The following RIMS1 variants were observed in gnomAD, a reference collection of about 807,000 sequenced individuals.
The protein encoded by RIMS1 is regulating synaptic membrane exocytosis protein 1.
In RIMS1, 83 loss-of-function variants were observed where a neutral mutation model predicts 214.1. That is an observed-to-expected ratio of 0.39 (90% CI 0.32 to 0.47). RIMS1 has a LOEUF of 0.47. Ranked by LOEUF, RIMS1 falls within the 20% of genes least tolerant of loss-of-function variation. RIMS1 has a pLI of 0.99. For synonymous variants in RIMS1, 793 were observed against 786.8 expected, an observed-to-expected ratio of 1.01 and a Z score of -0.13; for missense variants, 2,050 against 2,161.8, an observed-to-expected ratio of 0.95 and a Z score of 1.03.
chr6:72,291,954 C>T lies in RIMS1; in HGVS notation c.3758C>T (p.Pro1253Leu), dbSNP rs367601102. The change falls in exon 26 of 34, where the codon CCA becomes CTA. Residue 1253 changes from proline to leucine, a missense_variant. This residue lies in a region of RIMS1 where 889 missense variants were observed against 885.5 expected (regional missense o/e 1.00). Coordinates refer to ENST00000521978, the MANE Select transcript of RIMS1 (RefSeq NM_014989.7). ...LLTRMHRQRS[P>L]TQSPPADTSF... ...TGCAGAATGCACCGACAGAGAAGTC[C>T]AACACAATCTCCTCCAGCAGACACA... is the stretch of plus-strand genomic sequence containing the variant. 80 of 1,560,860 alleles carry T rather than the reference C, an allele frequency of 5.1e-5. No homozygotes were observed. The highest frequency in any genetic ancestry group is 3.8e-5 in the Admixed American group (2 of 52,092).
At chr6:72,126,864 G>C (rs2039623152) in intron 4 of RIMS1, among the ~76,000 whole-genome samples, 1 of 151,330 alleles carries the variant, frequency 6.6e-6, no homozygotes, top group South Asian at 2.1e-4. Flanking sequence ...ATGGAAAACA[G>C]TTTGGAGATT....
intron 17 of RIMS1, 113 bp from the exon 18 acceptor site, chr6:72,258,873 A>G: frequency 2.0e-6 from 2 of 1,013,842 alleles, no homozygotes; most frequent in Middle Eastern, 2.2e-4. Context: ...TTATGATGCA[A>G]ATACTTTTCA....
intron 2 of RIMS1, among the ~76,000 whole-genome samples, chr6:72,049,804 A>C (rs1421762639): frequency 1.3e-5 from 2 of 152,136 alleles, no homozygotes; most frequent in African/African-American, 2.4e-5. Context: ...GATCCTTGCT[A>C]TCTATTTTTA....
At chr6:72,354,723 C>T (rs1564443243) in intron 29 of RIMS1, among the ~76,000 whole-genome samples, 2 of 152,030 alleles carry the variant, frequency 1.3e-5, no homozygotes, top group Non-Finnish European at 2.9e-5. Flanking sequence ...TTTTATTCAC[C>T]TTGTATTTGT....
At chr6:72,310,425 C>G (rs2095451323) in intron 27 of RIMS1, among the ~76,000 whole-genome samples, 1 of 151,554 alleles carries the variant, frequency 6.6e-6, no homozygotes, top group African/African-American at 2.4e-5. Flanking sequence ...TGGTGGTATA[C>G]AGAGTGGCAT....
intron 2 of RIMS1, among the ~76,000 whole-genome samples, chr6:72,083,708 A>G (rs1833968672): frequency 6.6e-6 from 1 of 152,206 alleles, no homozygotes; most frequent in African/African-American, 2.4e-5. Context: ...CTTTTACCAT[A>G]GGCTACACAC....
At chr6:72,009,452 GA>G (rs930961151) in intron 2 of RIMS1, among the ~76,000 whole-genome samples, 150 of 152,272 alleles carry the variant, frequency 9.9e-4, no homozygotes, top group African/African-American at 3.4e-3. Context: ...AAAGCTAGCA[GA>G]AGGCAAGAAA....
At chr6:72,337,676 G>T (rs541914338) in intron 29 of RIMS1, among the ~76,000 whole-genome samples, 215 of 150,658 alleles carry the variant, frequency 1.4e-3, no homozygotes, top group African/African-American at 5.0e-3. Context: ...TGCCATGTTG[G>T]TGTGCTGCAC....
chr6:72,186,787 C>A (rs2049170688), intron 6 of RIMS1, among the ~76,000 whole-genome samples: 1 of 151,412 alleles, frequency 6.6e-6, no homozygotes, highest in Non-Finnish European at 1.5e-5. Flanking sequence ...GTACCCCCCC[C>A]CATATATATG....
chr6:72,145,805 A>G (rs1023833939), intron 4 of RIMS1, among the ~76,000 whole-genome samples: 2 of 152,146 alleles, frequency 1.3e-5, no homozygotes, highest in Admixed American at 6.5e-5. Flanking sequence ...AACAACAACA[A>G]ACAAAAAACA....
chr6:72,170,192 A>G (rs147835028), intron 4 of RIMS1, among the ~76,000 whole-genome samples: 112 of 132,598 alleles, frequency 8.4e-4, no homozygotes, highest in Non-Finnish European at 1.6e-3. Context: ...CTCTTACTCA[A>G]ATATCACTTT....
At chr6:72,091,612 C>T (rs180769173) in intron 2 of RIMS1, among the ~76,000 whole-genome samples, 1 of 152,024 alleles carries the variant, frequency 6.6e-6, no homozygotes, top group African/African-American at 2.4e-5. Context: ...ATCACCCAAA[C>T]AACTTTTTTA....
chr6:71,895,017 A>G (rs1771219024), intron 1 of RIMS1, among the ~76,000 whole-genome samples: 1 of 152,204 alleles, frequency 6.6e-6, no homozygotes, highest in Non-Finnish European at 1.5e-5. Flanking sequence ...ATATTTACAT[A>G]GAGAAGGTAT....
chr6:72,258,922 G>C (rs533176822), intron 17 of RIMS1, 64 bp from the exon 18 acceptor site: 1 of 1,503,094 alleles, frequency 6.7e-7, no homozygotes, highest in Non-Finnish European at 9.2e-7. Context: ...CTTCACTTTA[G>C]TCTGTCTGCC....
intron 2 of RIMS1, among the ~76,000 whole-genome samples, chr6:72,007,467 G>T (rs1192924572): frequency 1.3e-5 from 2 of 152,184 alleles, no homozygotes; most frequent in East Asian, 3.9e-4. Flanking sequence ...GAAGAAAGCT[G>T]GACGGATAAT....
intron 4 of RIMS1, among the ~76,000 whole-genome samples, chr6:72,149,517 C>T (rs2043218778): frequency 6.6e-6 from 1 of 152,048 alleles, no homozygotes; most frequent in Admixed American, 6.5e-5. Context: ...ATTCCTTACA[C>T]CTGAGAGTGA....
At chr6:71,902,722 A>G (rs764386244) in intron 1 of RIMS1, among the ~76,000 whole-genome samples, 1 of 151,814 alleles carries the variant, frequency 6.6e-6, no homozygotes, top group African/African-American at 2.4e-5. Context: ...GTTTCTCTCC[A>G]TGTGTCCATG....
At chr6:71,995,188 T>G (rs775073390) in intron 2 of RIMS1, among the ~76,000 whole-genome samples, 9 of 152,130 alleles carry the variant, frequency 5.9e-5, no homozygotes, top group Non-Finnish European at 1.0e-4. Flanking sequence ...AGAGAGAAGT[T>G]GAAGCAGAAC....
At chr6:72,066,345 G>T (rs544867786) in intron 2 of RIMS1, among the ~76,000 whole-genome samples, 3 of 152,240 alleles carry the variant, frequency 2.0e-5, no homozygotes, top group African/African-American at 7.2e-5. Context: ...TTCACTGACT[G>T]TAAAACTGGA....
Sources: gnomAD v4.1 joint callset for allele counts (sites outside exome capture counted in the v4.1 genomes callset) on GRCh38, gnomAD v4.1.1 for gene constraint, gnomAD v4.1.1 regional missense constraint, MANE v1.5 for transcripts, NCBI Gene and HGNC (gene_info 2026-07-23, HGNC 2026-07-21) for gene names.